Variants in MYOM1 observed in about 807,000 individuals in gnomAD.
MYOM1 encodes the protein myomesin 1.
Under a neutral mutation model 205.3 loss-of-function variants are expected in MYOM1, and 164 were observed. That is an observed-to-expected ratio of 0.80 (90% confidence interval 0.70 to 0.91). MYOM1 has a LOEUF of 0.91. Ranked by LOEUF, MYOM1 falls within the 40% of genes least tolerant of loss-of-function variation. MYOM1 has a pLI of 0.00. For synonymous variants in MYOM1, 772 were observed against 789.4 expected (o/e 0.98, Z 0.37); for missense variants, 2,011 against 2,127.3 (o/e 0.95, Z 1.08).
intron 33 of MYOM1, among the ~76,000 whole-genome samples, chr18:3,081,348 T>C (rs999844636): frequency 6.6e-6 from 1 of 152,156 alleles, no homozygotes; most frequent in Non-Finnish European, 1.5e-5. Context: ...TAAGGCAAGA[T>C]AGGAACAAAG....
chr18:3,095,244 C>A (rs1379532882), intron 25 of MYOM1, among the ~76,000 whole-genome samples: 5 of 151,994 alleles, frequency 3.3e-5, no homozygotes, highest in Non-Finnish European at 7.4e-5. Flanking sequence ...GACCTCGTGT[C>A]CCTCACCTGC....
chr18:3,104,037 T>C (rs73371201), intron 22 of MYOM1, among the ~76,000 whole-genome samples: 2,705 of 152,364 alleles, frequency 0.018, 81 homozygotes, highest in African/African-American at 0.06. Context: ...GGCTTAAGTA[T>C]TCCTTAATTG....
chr18:3,094,077 C>T lies in MYOM1; in HGVS notation c.3864+93G>A, dbSNP rs1252902305. The T allele has an allele frequency of 2.1e-5, 28 of 1,311,400 alleles. No homozygotes were observed. The Admixed American group carries it at 2.5e-4, about 12-fold the overall frequency. The allele number at this position is 1,311,400 out of a possible 1,614,324, so 81.2% of individuals were successfully genotyped here. Reference sequence around the variant, plus strand: ...TAAACTCTCCCACTCCACCACCCAGCGGTTTTTATAACAACATATCCACAT... The same window carrying T: ...TAAACTCTCCCACTCCACCACCCAGTGGTTTTTATAACAACATATCCACAT... On this transcript the variant is annotated intron_variant, in intron 26 of 37. Coordinates refer to ENST00000356443, the MANE Select transcript of MYOM1 (RefSeq NM_003803.4).
chr18:3,147,641 T>C (rs1027157121), intron 13 of MYOM1, among the ~76,000 whole-genome samples: 3 of 152,108 alleles, frequency 2.0e-5, no homozygotes, highest in Non-Finnish European at 4.4e-5. Flanking sequence ...CAGTATGGTA[T>C]TGATGGAAGG....
At position 3,135,149 on chromosome 18, in the gene MYOM1, C is replaced by A; in HGVS notation, c.2210-325G>T. On this transcript the variant is annotated intron_variant, in intron 15 of 37. Transcript: ENST00000356443. This position sits in a 1 kb window ranked among gnomAD's most constrained non-coding sequence, Gnocchi z 4.1. ...GTTTTCAGTAGAGATGGGGTTTCAC[C>A]ATGTTGGCCAGGCTGGTCTCAAACT... 3.2e-6 allele frequency: 1 copy of A among 314,424 alleles called. No individual in the cohort carries two copies. Among genetic ancestry groups the A allele is most frequent in the Non-Finnish European group, 6.0e-6 (1 of 165,312 alleles). The allele number at this position is 314,424 out of a possible 1,614,324, so 19.5% of individuals were successfully genotyped here. A position where few individuals can be genotyped will look rare whatever the true frequency, so the allele number is the denominator to read the frequency against.
At chr18:3,227,414 A>G in the MYOM1 span, among the ~76,000 whole-genome samples, 1 of 152,218 alleles carries the variant, frequency 6.6e-6, no homozygotes, top group Non-Finnish European at 1.5e-5. Context: ...TACCTAGAGT[A>G]GTCGAGTTTA....
At chr18:3,114,952 CT>C (rs1280485352) in intron 21 of MYOM1, among the ~76,000 whole-genome samples, 31 of 149,370 alleles carry the variant, frequency 2.1e-4, no homozygotes, top group Middle Eastern at 3.5e-3. Flanking sequence ...TTAAACTCTA[CT>C]TTTTTTTTTC....
chr18:3,127,623 A>G (rs2079814634), intron 18 of MYOM1, among the ~76,000 whole-genome samples: 4 of 151,860 alleles, frequency 2.6e-5, no homozygotes. Flanking sequence ...ATTTCCATAT[A>G]TTTCTCAAAT....
intron 36 of MYOM1, 133 bp from the exon 37 acceptor site, chr18:3,072,022 T>C: frequency 1.3e-6 from 1 of 772,442 alleles, no homozygotes. Context: ...GTTTTCAACA[T>C]GCAAAAAAAG....
At chr18:3,199,468 G>A (rs2081037763) in intron 2 of MYOM1, among the ~76,000 whole-genome samples, 1 of 152,198 alleles carries the variant, frequency 6.6e-6, no homozygotes, top group African/African-American at 2.4e-5. Context: ...CACATCATTG[G>A]TTGACTGCAA....
chr18:3,239,288 G>C, the MYOM1 span, among the ~76,000 whole-genome samples: 4 of 152,174 alleles, frequency 2.6e-5, no homozygotes, highest in Non-Finnish European at 4.4e-5. Flanking sequence ...AGGAGAGGAG[G>C]GGGAGGACAA....
chr18:3,107,690 G>GGAA (rs1345267606), intron 22 of MYOM1, among the ~76,000 whole-genome samples: 2 of 152,144 alleles, frequency 1.3e-5, no homozygotes, highest in African/African-American at 4.8e-5. Context: ...AGAGGTGAGA[G>GGAA]GAAACAAAAT....
At chr18:3,084,898 G>T in intron 31 of MYOM1, 147 bp downstream of exon 31, 1 of 598,394 alleles carries the variant, frequency 1.7e-6, no homozygotes, top group Non-Finnish European at 2.9e-6. Flanking sequence ...GAATAAAACA[G>T]TTCACTCTGT....
At chr18:3,164,952 A>G (rs2080446219) in intron 9 of MYOM1, among the ~76,000 whole-genome samples, 1 of 32,628 alleles carries the variant, frequency 3.1e-5, no homozygotes, top group Admixed American at 3.3e-4. Context: ...ATTTTAAATC[A>G]ATATAATCAA....
chr18:3,125,586 G>C (rs1168610259), intron 19 of MYOM1, among the ~76,000 whole-genome samples: 1 of 149,656 alleles, frequency 6.7e-6, no homozygotes, highest in African/African-American at 2.5e-5. Context: ...AAGCAACTTT[G>C]TTTTACGCAT....
At chr18:3,150,979 C>CTTTTTTTTTTTTTTTTTTT (rs1164882266) in intron 12 of MYOM1, among the ~76,000 whole-genome samples, 1 of 55,924 alleles carries the variant, frequency 1.8e-5, no homozygotes, top group African/African-American at 7.2e-5. Flanking sequence ...CCATGCCTGG[C>CTTTTTTTTTTTTTTTTTTT]TTTTTTTTTT....
At chr18:3,095,607 G>T (rs2079293063) in intron 25 of MYOM1, among the ~76,000 whole-genome samples, 3 of 152,270 alleles carry the variant, frequency 2.0e-5, no homozygotes, top group Non-Finnish European at 2.9e-5. Flanking sequence ...TATAGTAAGA[G>T]AACACATTAA....
intron 22 of MYOM1, among the ~76,000 whole-genome samples, chr18:3,104,734 G>A (rs994502401): frequency 2.7e-5 from 4 of 147,124 alleles, no homozygotes; most frequent in African/African-American, 5.0e-5. Flanking sequence ...CACTCACCAG[G>A]GAATTGGAAT....
the MYOM1 span, among the ~76,000 whole-genome samples, chr18:3,230,035 G>A: frequency 6.7e-6 from 1 of 149,496 alleles, no homozygotes; most frequent in African/African-American, 2.5e-5. Flanking sequence ...CCTCAAATGC[G>A]TTTAAAAAAT....
Sources: allele counts gnomAD v4.1 joint callset (sites outside exome capture counted in the v4.1 genomes callset), GRCh38; gene constraint gnomAD v4.1.1; non-coding constraint Gnocchi (gnomAD v3.1); transcripts MANE v1.5; gene names NCBI Gene and HGNC (gene_info 2026-07-23, HGNC 2026-07-21).